The following FBXW7 variants were observed in gnomAD, a reference collection of about 807,000 sequenced individuals.
FBXW7 encodes the protein F-box and WD repeat domain containing 7, also known as F-box/WD repeat-containing protein 7.
FBXW7 carries 11 observed loss-of-function variants against 86.3 expected under a neutral mutation model. The ratio of observed to expected loss-of-function variants is 0.13; its 90% CI spans 0.08 to 0.21. The LOEUF (loss-of-function observed/expected upper bound fraction) is 0.21, where lower values mean the gene tolerates loss of function less well. FBXW7 is among the 10% of genes least tolerant of loss of function. The probability of loss-of-function intolerance (pLI) is 1.00; values close to 1 mark genes in which losing one functional copy is unlikely to be tolerated. For missense variants in FBXW7, 488 were observed against 847.4 expected, an observed-to-expected ratio of 0.58 and a Z score of 5.27; for synonymous variants, 313 against 297.9, an observed-to-expected ratio of 1.05 and a Z score of -0.52.
intron 4 of FBXW7, among the ~76,000 whole-genome samples, chr4:152,380,172 C>T (rs1734930490): frequency 2.0e-5 from 3 of 151,928 alleles, no homozygotes; most frequent in African/African-American, 7.3e-5. Flanking sequence ...TAGCAATCTG[C>T]TTGAAAGAAA....
intron 4 of FBXW7, among the ~76,000 whole-genome samples, chr4:152,398,625 G>A (rs188186533): frequency 1.2e-3 from 186 of 152,024 alleles, no homozygotes; most frequent in African/African-American, 4.0e-3. Context: ...TCGTGTCTAC[G>A]AACTAAGTAT....
Position 152,506,194 on chromosome 4 carries a change from C to T in FBXW7, c.-120+28747G>A, listed in dbSNP as rs568013052. Among the ~76,000 whole-genome samples the T allele has an allele frequency of 2.0e-4, 31 of 152,090 alleles. No individual in the cohort carries two copies. The East Asian group carries it at 5.4e-3, about 27-fold the overall frequency. On this transcript the variant is annotated intron_variant, in intron 2 of 13. Transcript: ENST00000281708. ...TCACCCAGGCGGGAGTGCGGTGGCA[C>T]GATCTCAGCTCACTGCAAGCTCTGC...
At chr4:152,327,922 G>C (rs1056214349) in intron 11 of FBXW7, among the ~76,000 whole-genome samples, 19 of 151,864 alleles carry the variant, frequency 1.3e-4, no homozygotes, top group Non-Finnish European at 2.1e-4. Flanking sequence ...GCTTGAATAT[G>C]ATGAGTCATC....
chr4:152,380,917 A>G (rs1735007679), intron 4 of FBXW7, among the ~76,000 whole-genome samples: 1 of 152,058 alleles, frequency 6.6e-6, no homozygotes, highest in African/African-American at 2.4e-5. Context: ...GGCCTCTATA[A>G]AATACTCAAA....
intron 6 of FBXW7, among the ~76,000 whole-genome samples, chr4:152,339,073 T>A (rs1310277830): frequency 6.6e-6 from 1 of 152,208 alleles, no homozygotes; most frequent in East Asian, 1.9e-4. Flanking sequence ...TACAATGAAC[T>A]TCTTCTCTTC....
intron 7 of FBXW7, among the ~76,000 whole-genome samples, chr4:152,333,241 T>C (rs951140003): frequency 1.3e-5 from 2 of 152,136 alleles, no homozygotes; most frequent in African/African-American, 4.8e-5. Context: ...ACTTACATCC[T>C]TGACTGTAAA....
chr4:152,422,639 A>G (rs1400763055), intron 2 of FBXW7, among the ~76,000 whole-genome samples: 1 of 152,202 alleles, frequency 6.6e-6, no homozygotes, highest in African/African-American at 2.4e-5. Context: ...ACAGATACAG[A>G]AAACTATACA....
intron 4 of FBXW7, among the ~76,000 whole-genome samples, chr4:152,355,912 C>T (rs983970841): frequency 6.6e-6 from 1 of 151,856 alleles, no homozygotes; most frequent in Admixed American, 6.6e-5. Flanking sequence ...ATAATTGGGA[C>T]GACTTAAGTT....
At position 152,462,290 on chromosome 4, in the gene FBXW7, T is replaced by G. The variant is rs373838793; in HGVS notation, c.-119-49761A>C. 7.2e-5 allele frequency among the ~76,000 whole-genome samples: 11 copies of G among 152,376 alleles called. No homozygotes were observed. The East Asian group carries it at 1.9e-3, about 27-fold the overall frequency. ...GTGCTCTGATACCTCAAGCCAGCTG[T>G]TGGCCACGCAAATTGCATGCAAGTT... is the stretch of plus-strand genomic sequence containing the variant. On this transcript the variant is annotated intron_variant, in intron 2 of 13. Coordinates refer to ENST00000281708, the MANE Select transcript of FBXW7 (RefSeq NM_001349798.2).
chr4:152,383,730 T>A (rs1389760314), intron 4 of FBXW7, among the ~76,000 whole-genome samples: 1 of 152,262 alleles, frequency 6.6e-6, no homozygotes, highest in East Asian at 1.9e-4. Context: ...TTGGAAAGAT[T>A]AGCATTGCTA....
Position 152,411,862 on chromosome 4 carries a change from GT to G in FBXW7, c.-60del. On this transcript the variant is annotated 5_prime_UTR_variant, in exon 4 of 14. Coordinates refer to ENST00000281708, the MANE Select transcript of FBXW7 (RefSeq NM_001349798.2). Reference sequence around the variant, plus strand: ...GGCTAGACTATCAGAAGATGCAAAGGTTTTCACATTCTGCAGGGGAAAATAG... The same window carrying G: ...GGCTAGACTATCAGAAGATGCAAAGGTTTCACATTCTGCAGGGGAAAATAG... 1 of 1,496,272 alleles carries G rather than the reference GT, an allele frequency of 6.7e-7. No individual in the cohort carries two copies. Among genetic ancestry groups the G allele is most frequent in the Non-Finnish European group, 8.9e-7 (1 of 1,123,192 alleles). The allele number at this position is 1,496,272 out of a possible 1,614,324, so 92.7% of individuals were successfully genotyped here. A position where few individuals can be genotyped will look rare whatever the true frequency, so the allele number is the denominator to read the frequency against.
At chr4:152,410,999 C>T (rs963499311) in intron 4 of FBXW7, among the ~76,000 whole-genome samples, 1 of 152,142 alleles carries the variant, frequency 6.6e-6, no homozygotes, top group Admixed American at 6.6e-5. Flanking sequence ...GAAACCTCTA[C>T]ACCCCACACA....
chr4:152,416,130 T>C (rs143855121), intron 2 of FBXW7, among the ~76,000 whole-genome samples: 10 of 152,296 alleles, frequency 6.6e-5, no homozygotes, highest in African/African-American at 2.4e-4. Context: ...TCATCACTAT[T>C]ATCTCCAGCA....
At chr4:152,435,358 G>A (rs1383304993) in intron 2 of FBXW7, among the ~76,000 whole-genome samples, 1 of 151,974 alleles carries the variant, frequency 6.6e-6, no homozygotes, top group East Asian at 1.9e-4. Flanking sequence ...CTTAATTTTG[G>A]TTTGTCTAAT....
At chr4:152,475,353 A>G (rs540854688) in intron 2 of FBXW7, among the ~76,000 whole-genome samples, 19 of 152,068 alleles carry the variant, frequency 1.2e-4, no homozygotes, top group African/African-American at 4.3e-4. Context: ...CTTGGGCCCA[A>G]CAGTTTGAAG....
At chr4:152,527,865 T>TATATACACACAC (rs1554003395) in intron 2 of FBXW7, among the ~76,000 whole-genome samples, 2 of 137,396 alleles carry the variant, frequency 1.5e-5, no homozygotes, top group African/African-American at 6.2e-5. Context: ...AAAAATTATA[T>TATATACACACAC]ACACACACAC....
At chr4:152,386,902 T>A (rs1257914301) in intron 4 of FBXW7, among the ~76,000 whole-genome samples, 3 of 152,160 alleles carry the variant, frequency 2.0e-5, no homozygotes, top group African/African-American at 4.8e-5. Context: ...GCATTACAAG[T>A]CCAAGCACTC....
chr4:152,475,263 C>CA lies in FBXW7; in HGVS notation c.-120+59677dup, dbSNP rs530927253. ...TGAACACAGCAAGACCTCATCTCCACAAAAAATAAAAAACTTAGCCAGGCA... is the reference window on the plus strand; with the variant it reads ...TGAACACAGCAAGACCTCATCTCCACAAAAAAATAAAAAACTTAGCCAGGCA... On this transcript the variant is annotated intron_variant, in intron 2 of 13. Transcript: ENST00000281708. 3.0e-4 allele frequency among the ~76,000 whole-genome samples: 45 copies of CA among 151,596 alleles called. 1 individual carries two copies. The East Asian group carries it at 6.2e-3, about 21-fold the overall frequency.
chr4:152,330,675 A>G (rs760640643), intron 9 of FBXW7, 57 bp downstream of exon 9: 12 of 1,510,552 alleles, frequency 7.9e-6, no homozygotes, highest in Non-Finnish European at 1.1e-5. Flanking sequence ...GTGAAATAGT[A>G]CACTAGGTAC....
Sources: gnomAD v4.1 joint callset for allele counts (sites outside exome capture counted in the v4.1 genomes callset) on GRCh38, gnomAD v4.1.1 for gene constraint, MANE v1.5 for transcripts, NCBI Gene and HGNC (gene_info 2026-07-23, HGNC 2026-07-21) for gene names.